Variants in PAX5 observed in about 807,000 individuals in gnomAD.
The protein encoded by PAX5 is paired box 5, also known as paired box protein Pax-5.
Under a neutral mutation model 43.7 loss-of-function variants are expected in PAX5, and 9 were observed. That is an observed-to-expected ratio of 0.21 (90% confidence interval 0.12 to 0.36). The LOEUF (loss-of-function observed/expected upper bound fraction) is 0.36. Ranked by LOEUF, PAX5 falls within the 10% of genes least tolerant of loss-of-function variation. The pLI is 1.00. For missense variants in PAX5, 383 were observed against 532.7 expected, an observed-to-expected ratio of 0.72 and a Z score of 2.77; for synonymous variants, 228 against 214.3, an observed-to-expected ratio of 1.06 and a Z score of -0.56.
chr9:36,944,858 AAGCATTTTTAT>A (rs374005783), intron 6 of PAX5, among the ~76,000 whole-genome samples: 2 of 152,360 alleles, frequency 1.3e-5, no homozygotes, highest in African/African-American at 4.8e-5. Flanking sequence ...AATGTTCTCC[AAGCATTTTTAT>A]TTCTAACCGG....
intron 9 of PAX5, among the ~76,000 whole-genome samples, chr9:36,845,962 C>T (rs1160228194): frequency 2.0e-5 from 3 of 152,146 alleles, no homozygotes; most frequent in South Asian, 2.1e-4. Context: ...TTTTACTGCT[C>T]GAAGTAGAAA....
At chr9:36,969,441 T>C (rs1192783946) in intron 5 of PAX5, among the ~76,000 whole-genome samples, 5 of 152,232 alleles carry the variant, frequency 3.3e-5, no homozygotes, top group African/African-American at 1.2e-4. Context: ...TGAGGGCCCC[T>C]GGGGGCAAGG....
rs547221964 is a variant in PAX5, at chr9:37,013,090, A to T, written c.410+1907T>A. On this transcript the variant is annotated intron_variant, in intron 3 of 9. Coordinates refer to ENST00000358127, the MANE Select transcript of PAX5 (RefSeq NM_016734.3). ...CATAGGGAGACCCCCATCTCTACAT[A>T]AAAAAAAAATTAATTTAAATATAGA... Among the ~76,000 whole-genome samples, 176 of 72,076 alleles carry T rather than the reference A, an allele frequency of 2.4e-3. 2 individuals are homozygous for T. Among genetic ancestry groups the T allele is most frequent in the Admixed American group, 9.3e-3 (49 of 5,286 alleles). The allele number at this position is 72,076 out of a possible 152,430, so 47.3% of individuals were successfully genotyped here.
intron 7 of PAX5, among the ~76,000 whole-genome samples, chr9:36,918,160 C>T (rs1829866147): frequency 6.6e-6 from 1 of 152,206 alleles, no homozygotes; most frequent in Admixed American, 6.5e-5. Context: ...GTATCTCTCA[C>T]TTTAAATCAA....
intron 7 of PAX5, among the ~76,000 whole-genome samples, chr9:36,906,455 A>G (rs1197970013): frequency 2.6e-5 from 4 of 152,214 alleles, no homozygotes; most frequent in African/African-American, 9.7e-5. Flanking sequence ...TGTGTCCTCT[A>G]GAAGCTGGAA....
In PAX5 at chr9:36,943,555, C is replaced by CAG. The variant is rs1563994130; in HGVS notation, c.781-20072_781-20071insCT. ...ACACACACACACACACACACACACA[C>CAG]ACACACACACACAGCTACATATTTG... On this transcript the variant is annotated intron_variant, in intron 6 of 9. Transcript: ENST00000358127. Among the ~76,000 whole-genome samples the CAG allele has an allele frequency of 4.3e-3, 655 of 152,070 alleles. 5 individuals carry two copies. The highest frequency in any genetic ancestry group is 0.014 in the African/African-American group (586 of 41,476).
chr9:37,002,160 G>A (rs1837930062), intron 5 of PAX5, among the ~76,000 whole-genome samples: 1 of 152,056 alleles, frequency 6.6e-6, no homozygotes, highest in Non-Finnish European at 1.5e-5. Flanking sequence ...CAGGGCTGAA[G>A]GCCTTCTCTG....
intron 7 of PAX5, among the ~76,000 whole-genome samples, chr9:36,893,803 C>G (rs893817845): frequency 2.0e-5 from 3 of 152,218 alleles, no homozygotes; most frequent in African/African-American, 7.2e-5. Flanking sequence ...GCTACTGTAT[C>G]GGCGAGGTTC....
At chr9:37,030,319 C>A (rs57268239) in intron 1 of PAX5, among the ~76,000 whole-genome samples, 17,928 of 152,218 alleles carry the variant, frequency 0.12, 1,204 homozygotes, top group East Asian at 0.2. Context: ...ATACCGTGAC[C>A]ACCTAGCCCA....
intron 6 of PAX5, among the ~76,000 whole-genome samples, chr9:36,936,485 T>C (rs1831563448): frequency 6.6e-6 from 1 of 152,146 alleles, no homozygotes; most frequent in South Asian, 2.1e-4. Flanking sequence ...ACATGGCTAG[T>C]AATGGGCAGG....
At chr9:36,932,626 G>A (rs1310532110) in intron 6 of PAX5, among the ~76,000 whole-genome samples, 2 of 152,192 alleles carry the variant, frequency 1.3e-5, no homozygotes, top group African/African-American at 4.8e-5. Flanking sequence ...GATGAAACGA[G>A]TCCAAAACCA....
intron 3 of PAX5, among the ~76,000 whole-genome samples, chr9:37,014,513 T>A (rs117185075): frequency 1.1e-3 from 174 of 152,242 alleles, no homozygotes; most frequent in Non-Finnish European, 2.1e-3. Flanking sequence ...AGGAGCCAAG[T>A]CTCCCAACTC....
chr9:36,881,702 G>T (rs542005707), intron 8 of PAX5, among the ~76,000 whole-genome samples: 22 of 152,050 alleles, frequency 1.4e-4, no homozygotes, highest in African/African-American at 4.8e-4. Flanking sequence ...GCTCCACACC[G>T]GCTGGGTGAC....
intron 1 of PAX5, 82 bp downstream of exon 1, chr9:37,033,904 C>T: frequency 2.3e-6 from 3 of 1,308,882 alleles, no homozygotes; most frequent in East Asian, 2.3e-5. Context: ...GCCCCCTCCT[C>T]CTCCAGGGTC....
intron 2 of PAX5, 76 bp downstream of exon 2, chr9:37,020,560 A>C: frequency 7.0e-7 from 1 of 1,420,840 alleles, no homozygotes; most frequent in Non-Finnish European, 9.9e-7. Flanking sequence ...TGATACTGTC[A>C]TATTGGACAG....
chr9:36,860,341 G>GA (rs999543523), intron 8 of PAX5, among the ~76,000 whole-genome samples: 29 of 150,260 alleles, frequency 1.9e-4, no homozygotes, highest in Admixed American at 1.3e-3. Flanking sequence ...TCTCAAAAAA[G>GA]AAAAAAAAAT....
At chr9:37,023,145 G>A (rs1839999893) in intron 1 of PAX5, among the ~76,000 whole-genome samples, 3 of 152,090 alleles carry the variant, frequency 2.0e-5, no homozygotes. Flanking sequence ...GAGAGAGAGA[G>A]CCTGGAAAGG....
intron 8 of PAX5, among the ~76,000 whole-genome samples, chr9:36,880,855 G>A (rs1190714652): frequency 6.6e-6 from 1 of 152,234 alleles, no homozygotes; most frequent in Non-Finnish European, 1.5e-5. Flanking sequence ...TGGGATTACA[G>A]GCATGAGCCA....
chr9:36,981,786 T>A (rs1336505515), intron 5 of PAX5, among the ~76,000 whole-genome samples: 1 of 152,246 alleles, frequency 6.6e-6, no homozygotes, highest in Non-Finnish European at 1.5e-5. Flanking sequence ...AGCTGTGTGA[T>A]CTTACACTTC....
Sources: allele counts gnomAD v4.1 joint callset (sites outside exome capture counted in the v4.1 genomes callset), GRCh38; gene constraint gnomAD v4.1.1; transcripts MANE v1.5; gene names NCBI Gene and HGNC (gene_info 2026-07-23, HGNC 2026-07-21).